CNTNAP2: variants seen among roughly 807,000 people sequenced by gnomAD.
The protein encoded by CNTNAP2 is contactin-associated protein-like 2.
CNTNAP2 carries 98 observed loss-of-function variants against 155.2 expected under a neutral mutation model. The ratio of observed to expected loss-of-function variants is 0.63; its 90% confidence interval spans 0.54 to 0.75. The LOEUF is 0.75. Ranked by LOEUF, CNTNAP2 falls within the 30% of genes least tolerant of loss-of-function variation. The pLI, the probability that CNTNAP2 is intolerant of heterozygous loss-of-function variation, is 0.00. For missense variants in CNTNAP2, 1,727 were observed against 1,688.1 expected (o/e 1.02, Z -0.40); for synonymous variants, 651 against 631.2 (o/e 1.03, Z -0.47).
chr7:146,335,972 G>A (rs1263980064), intron 1 of CNTNAP2, among the ~76,000 whole-genome samples: 1 of 152,064 alleles, frequency 6.6e-6, no homozygotes, highest in Non-Finnish European at 1.5e-5. Context: ...GGCTGAGGTG[G>A]GCAGATCACC....
intron 1 of CNTNAP2, among the ~76,000 whole-genome samples, chr7:146,412,959 A>C (rs73738758): frequency 6.6e-6 from 1 of 152,122 alleles, no homozygotes; most frequent in Non-Finnish European, 1.5e-5. Flanking sequence ...TTAAATTCCA[A>C]TCGTATGAAA....
In CNTNAP2 at chr7:147,736,058, G is replaced by A. The variant is rs145883824; in HGVS notation, c.2098+96752G>A. 3.4e-5 allele frequency among the ~76,000 whole-genome samples: 5 copies of A among 145,508 alleles called. No individual in the cohort carries two copies. In the East Asian group the frequency reaches 9.7e-4, roughly 28 times the overall value. The stretch of plus-strand genomic sequence containing the variant: ...TATTGTTATGTGTGAACTTGATCCT[G>A]TCATTATGATATTAGCTGGTTATTT... On this transcript the variant is annotated intron_variant, in intron 13 of 23. Transcript: ENST00000361727.
In CNTNAP2 at chr7:146,352,878, C is replaced by A. The variant is rs1287726322; in HGVS notation, c.97+235905C>A. Among the ~76,000 whole-genome samples the A allele has an allele frequency of 2.2e-3, 331 of 150,164 alleles. 1 individual carries two copies. Among genetic ancestry groups the A allele is most frequent in the African/African-American group, 7.8e-3 (318 of 40,574 alleles). On this transcript the variant is annotated intron_variant, in intron 1 of 23. Transcript: ENST00000361727. ...CACGCCATTCTCCTGCCTCAGCCTCCCTAGTCGCTAGGACTACAGGCACCC... is the reference window on the plus strand; with the variant it reads ...CACGCCATTCTCCTGCCTCAGCCTCACTAGTCGCTAGGACTACAGGCACCC...
intron 1 of CNTNAP2, among the ~76,000 whole-genome samples, chr7:146,290,231 T>A (rs1800407448): frequency 6.6e-6 from 1 of 152,072 alleles, no homozygotes; most frequent in South Asian, 2.1e-4. Flanking sequence ...CCTGGGTAAT[T>A]TTTTATGGCT....
At chr7:147,848,007 A>T (rs1798840896) in intron 13 of CNTNAP2, among the ~76,000 whole-genome samples, 1 of 127,620 alleles carries the variant, frequency 7.8e-6, no homozygotes, top group South Asian at 2.7e-4. Context: ...CAAAGCTGTC[A>T]GACAGGGACA....
intron 1 of CNTNAP2, among the ~76,000 whole-genome samples, chr7:146,183,155 G>A (rs1798573129): frequency 6.6e-6 from 1 of 152,004 alleles, no homozygotes; most frequent in South Asian, 2.1e-4. Flanking sequence ...TTATAAATGT[G>A]TGCCATGTCC....
chr7:147,345,970 A>G (rs1795848948), intron 9 of CNTNAP2, among the ~76,000 whole-genome samples: 1 of 152,116 alleles, frequency 6.6e-6, no homozygotes, highest in Non-Finnish European at 1.5e-5. Context: ...TAGGCCGCAA[A>G]CAGTTAATAG....
chr7:146,540,290 C>T (rs1797931473), intron 1 of CNTNAP2, among the ~76,000 whole-genome samples: 1 of 152,020 alleles, frequency 6.6e-6, no homozygotes, highest in Non-Finnish European at 1.5e-5. Flanking sequence ...TGAGAGTTTA[C>T]CTATCTTGTG....
At chr7:148,011,041 TGATA>T (rs1183648370) in intron 15 of CNTNAP2, among the ~76,000 whole-genome samples, 16 of 152,298 alleles carry the variant, frequency 1.1e-4, no homozygotes, top group Middle Eastern at 3.4e-3. Flanking sequence ...TAATGATTGC[TGATA>T]GATAGAAATG....
chr7:146,163,048 C>T (rs149851582), intron 1 of CNTNAP2, among the ~76,000 whole-genome samples: 1 of 152,054 alleles, frequency 6.6e-6, no homozygotes. Flanking sequence ...GTGAGATATA[C>T]CTGATGTAAA....
intron 8 of CNTNAP2, among the ~76,000 whole-genome samples, chr7:147,140,558 C>T (rs903899): frequency 0.53 from 81,038 of 151,838 alleles, 22,103 homozygotes; most frequent in South Asian, 0.7. Context: ...CTTGTGCACA[C>T]CTGTGCCAAA....
intron 1 of CNTNAP2, among the ~76,000 whole-genome samples, chr7:146,719,034 C>T (rs1471058578): frequency 3.3e-5 from 5 of 152,260 alleles, no homozygotes; most frequent in African/African-American, 9.6e-5. Context: ...TTATTAGCTT[C>T]TGAAGTAAGG....
At chr7:146,978,430 A>G (rs911556887) in intron 3 of CNTNAP2, among the ~76,000 whole-genome samples, 4 of 152,146 alleles carry the variant, frequency 2.6e-5, no homozygotes, top group African/African-American at 9.6e-5. Flanking sequence ...GTTCAGAAAA[A>G]TGACATTTCC....
chr7:146,583,340 A>G lies in CNTNAP2; in HGVS notation c.98-190931A>G, dbSNP rs539155841. ...ACAGTGGATGGAGGCAGCTGTTGGA[A>G]ACACCACTTGAATTACTTGATTGTA... On this transcript the variant is annotated intron_variant, in intron 1 of 23. Coordinates refer to ENST00000361727, the MANE Select transcript of CNTNAP2 (RefSeq NM_014141.6). 3.9e-5 allele frequency among the ~76,000 whole-genome samples: 6 copies of G among 152,136 alleles called. No homozygotes were observed. The South Asian group carries it at 1.2e-3, about 32-fold the overall frequency.
intron 8 of CNTNAP2, 75 bp from the exon 9 acceptor site, chr7:147,300,066 G>A (rs186109857): frequency 2.0e-6 from 3 of 1,474,092 alleles, no homozygotes; most frequent in Admixed American, 1.7e-5. Flanking sequence ...GTAAAATCGT[G>A]ATTTGTTGAT....
chr7:146,584,106 A>G (rs1024398846), intron 1 of CNTNAP2, among the ~76,000 whole-genome samples: 4 of 152,206 alleles, frequency 2.6e-5, no homozygotes, highest in African/African-American at 9.6e-5. Flanking sequence ...TAAATCATGA[A>G]AAGTACTAAC....
chr7:147,263,978 A>C (rs1212842522), intron 8 of CNTNAP2, among the ~76,000 whole-genome samples: 1 of 152,154 alleles, frequency 6.6e-6, no homozygotes, highest in Non-Finnish European at 1.5e-5. Context: ...GATTCAGAGG[A>C]CTGTCTTGCA....
intron 3 of CNTNAP2, among the ~76,000 whole-genome samples, chr7:146,948,853 T>A (rs1362707013): frequency 6.6e-6 from 1 of 152,144 alleles, no homozygotes; most frequent in Non-Finnish European, 1.5e-5. Context: ...CTTGTTCCTA[T>A]CATTATGCAA....
intron 21 of CNTNAP2, among the ~76,000 whole-genome samples, chr7:148,296,439 C>T (rs112032428): frequency 0.11 from 16,121 of 147,270 alleles, 970 homozygotes; most frequent in Middle Eastern, 0.2. Context: ...CCCAGCTACT[C>T]GGGAGGCTGA....
Sources: gnomAD v4.1 joint callset for allele counts (sites outside exome capture counted in the v4.1 genomes callset) on GRCh38, gnomAD v4.1.1 for gene constraint, MANE v1.5 for transcripts, NCBI Gene and HGNC (gene_info 2026-07-23, HGNC 2026-07-21) for gene names.